The following PRH1 variants were observed in gnomAD, a reference collection of about 807,000 sequenced individuals.
PRH1 encodes the protein salivary acidic proline-rich phosphoprotein 1/2.
A neutral mutation model predicts 7.9 loss-of-function variants in PRH1; 7 were observed. The ratio of observed to expected loss-of-function variants is 0.89; its 90% CI spans 0.50 to 1.67. PRH1 has a LOEUF of 1.67. Ranked by LOEUF, PRH1 falls within the 40% of genes most tolerant of loss-of-function variation. The probability of loss-of-function intolerance (pLI) is 0.00; values close to 1 mark genes in which losing one functional copy is unlikely to be tolerated. For missense variants in PRH1, 109 were observed against 223.6 expected (o/e 0.49, Z 3.27); for synonymous variants, 45 against 80.8 (o/e 0.56, Z 2.38).
intron 1 of PRH1, among the ~76,000 whole-genome samples, chr12:11,142,313 A>G (rs1042579816): frequency 1.3e-5 from 2 of 152,230 alleles, no homozygotes; most frequent in African/African-American, 4.8e-5. Context: ...ACCAAATCCC[A>G]GAAGACTTTT....
chr12:11,061,635 G>T, intron 1 of PRH1: 1 of 1,528,856 alleles, frequency 6.5e-7, no homozygotes, highest in South Asian at 1.1e-5. Flanking sequence ...GGACCTTCAT[G>T]CTGGGATCTT....
chr12:10,994,897 C>T lies in PRH1; in HGVS notation c.-125-21176G>A, dbSNP rs553798914. Among the ~76,000 whole-genome samples the T allele has an allele frequency of 1.1e-4, 17 of 152,208 alleles. No homozygotes were observed. In the South Asian group the frequency reaches 3.5e-3, roughly 32 times the overall value. ...AATAGAAAAGATATGTGCACTTATA[C>T]AAAAATCTTTTATATGCTTAGTAAA... is the stretch of plus-strand genomic sequence containing the variant. On this transcript the variant is annotated intron_variant, in intron 1 of 3. Coordinates refer to the PRH1 transcript ENST00000539853.
chr12:11,023,018 G>T (rs1221768261), intron 1 of PRH1, among the ~76,000 whole-genome samples: 1 of 152,116 alleles, frequency 6.6e-6, no homozygotes, highest in Non-Finnish European at 1.5e-5. Context: ...ATATCATATA[G>T]TAAATGTCTA....
intron 2 of PRH1, among the ~76,000 whole-genome samples, chr12:10,927,427 C>G (rs1290899348): frequency 3.3e-5 from 5 of 152,234 alleles, no homozygotes; most frequent in East Asian, 1.9e-4. Context: ...AAGCACCTAC[C>G]CTGTGCCTAA....
At chr12:10,921,816 G>A (rs1444634954) in intron 2 of PRH1, among the ~76,000 whole-genome samples, 3 of 152,054 alleles carry the variant, frequency 2.0e-5, no homozygotes, top group Non-Finnish European at 4.4e-5. Context: ...CCCGGGGCTG[G>A]AGTGCAGTGG....
At chr12:11,170,343 G>A (rs1397851471) in intron 1 of PRH1, among the ~76,000 whole-genome samples, 1 of 152,092 alleles carries the variant, frequency 6.6e-6, no homozygotes, top group African/African-American at 2.4e-5. Context: ...TCAGGAGATC[G>A]AGACCATCCT....
intron 2 of PRH1, among the ~76,000 whole-genome samples, chr12:10,920,234 A>G (rs1950027473): frequency 6.6e-6 from 1 of 151,850 alleles, no homozygotes; most frequent in Non-Finnish European, 1.5e-5. Context: ...CCCTACCTTA[A>G]TTTTCTTTTT....
At chr12:11,015,573 G>C (rs1163305279) in intron 1 of PRH1, among the ~76,000 whole-genome samples, 1 of 152,108 alleles carries the variant, frequency 6.6e-6, no homozygotes, top group South Asian at 2.1e-4. Flanking sequence ...AACAGAGCCT[G>C]AACTAACAGT....
chr12:11,134,086 G>A (rs374315163), intron 1 of PRH1: 2 of 1,614,018 alleles, frequency 1.2e-6, no homozygotes, highest in African/African-American at 2.7e-5. Flanking sequence ...CAACTCTGGA[G>A]ACCGCCAGAG....
chr12:10,891,946 A>T (rs1364140241), intron 2 of PRH1: 1 of 152,230 alleles, frequency 6.6e-6, no homozygotes, highest in Admixed American at 6.5e-5. Context: ...GAAGAAGAAG[A>T]GAAGAGTCTT....
chr12:11,079,558 T>G (rs1428289334), intron 1 of PRH1, among the ~76,000 whole-genome samples: 1 of 120,636 alleles, frequency 8.3e-6, no homozygotes, highest in African/African-American at 2.8e-5. Context: ...CTAAAGCAGT[T>G]TTGGAGGATT....
intron 1 of PRH1, among the ~76,000 whole-genome samples, chr12:10,994,255 C>T (rs1940095225): frequency 6.6e-6 from 1 of 152,222 alleles, no homozygotes; most frequent in African/African-American, 2.4e-5. Context: ...CTTTCATAAC[C>T]TCCATCAAGG....
At chr12:10,929,177 G>A in intron 2 of PRH1, 2 of 1,537,154 alleles carry the variant, frequency 1.3e-6, no homozygotes, top group Non-Finnish European at 1.8e-6. Flanking sequence ...ACCTGGTAGG[G>A]AGCTCAAATG....
chr12:11,167,934 AATG>A (rs1947630205), intron 1 of PRH1, among the ~76,000 whole-genome samples: 1 of 152,054 alleles, frequency 6.6e-6, no homozygotes, highest in Non-Finnish European at 1.5e-5. Flanking sequence ...TGGTTTAAAA[AATG>A]TCTCAATTAA....
chr12:10,989,775 C>T (rs934329879), intron 1 of PRH1, among the ~76,000 whole-genome samples: 1 of 152,142 alleles, frequency 6.6e-6, no homozygotes, highest in Non-Finnish European at 1.5e-5. Context: ...TTAAAGTCCG[C>T]TATGGTTTTG....
At chr12:11,149,857 G>T (rs1357593432) in intron 1 of PRH1, among the ~76,000 whole-genome samples, 5 of 135,494 alleles carry the variant, frequency 3.7e-5, no homozygotes, top group South Asian at 2.2e-4. Context: ...CACAGCAAAA[G>T]AAACTACCAT....
intron 1 of PRH1, among the ~76,000 whole-genome samples, chr12:11,028,982 T>G (rs914152627): frequency 3.9e-5 from 6 of 152,302 alleles, no homozygotes; most frequent in African/African-American, 1.4e-4. Context: ...AGCCACCCAT[T>G]TATTTGTTCA....
At chr12:10,925,976 A>G (rs1027977239) in intron 2 of PRH1, among the ~76,000 whole-genome samples, 1 of 152,232 alleles carries the variant, frequency 6.6e-6, no homozygotes, top group African/African-American at 2.4e-5. Context: ...TAAGTGGAAC[A>G]TAGTAAATGT....
chr12:10,993,283 C>T (rs1399117222), intron 1 of PRH1, among the ~76,000 whole-genome samples: 1 of 152,170 alleles, frequency 6.6e-6, no homozygotes, highest in African/African-American at 2.4e-5. Flanking sequence ...AAAAGCACTG[C>T]TTCACTGTTT....
Sources: gnomAD v4.1 joint callset for allele counts (sites outside exome capture counted in the v4.1 genomes callset) on GRCh38, gnomAD v4.1.1 for gene constraint, MANE v1.5 for transcripts, NCBI Gene and HGNC (gene_info 2026-07-23, HGNC 2026-07-21) for gene names.